Variants in PSMD9 observed in about 807,000 individuals in gnomAD.
PSMD9 encodes the protein proteasome 26S subunit, non-ATPase 9.
A neutral mutation model predicts 25.9 loss-of-function variants in PSMD9; 26 were observed. That is an observed-to-expected ratio of 1.00 (90% CI 0.73 to 1.39). PSMD9 has a LOEUF of 1.39. Ranked by LOEUF, PSMD9 falls within the 40% of genes most tolerant of loss-of-function variation. The pLI is 0.00. For synonymous variants in PSMD9, 110 were observed against 114.5 expected, an observed-to-expected ratio of 0.96 and a Z score of 0.25; for missense variants, 303 against 299.3, an observed-to-expected ratio of 1.01 and a Z score of -0.09.
intron 4 of PSMD9, among the ~76,000 whole-genome samples, chr12:121,912,435 G>C (rs1427319886): frequency 6.6e-6 from 1 of 152,166 alleles, no homozygotes; most frequent in East Asian, 1.9e-4. Flanking sequence ...CCGCTTCCTC[G>C]CCAGCACTTG....
At chr12:121,907,979 GT>G (rs1263534510) in intron 4 of PSMD9, 1 of 152,180 alleles carries the variant, frequency 6.6e-6, no homozygotes, top group Admixed American at 6.5e-5. Context: ...CAAGGGTGCA[GT>G]AAGCCAAGGT....
intron 4 of PSMD9, among the ~76,000 whole-genome samples, chr12:121,904,331 T>G (rs1229472899): frequency 6.6e-6 from 1 of 151,304 alleles, no homozygotes. Context: ...TCCCAGCACT[T>G]TAGGAGGGCG....
At chr12:121,894,103 G>A (rs529644059) in intron 1 of PSMD9, 19 of 151,808 alleles carry the variant, frequency 1.3e-4, no homozygotes, top group African/African-American at 4.4e-4. Context: ...CATGTGACTG[G>A]TTTCACTGCT....
At position 121,903,041 on chromosome 12, in the gene PSMD9, C is replaced by T; in HGVS notation, c.489C>T (p.Gly163=). The part of the protein sequence containing the change: ...LQVDDEIVEF[G]SVNTQNFQSL... ...TGGATGATGAGATTGTGGAGTTCGG[C>T]TCTGTGAACACCCAGAACTTCCAGT... Residue 163 remains glycine (G), a synonymous_variant, in exon 4 of 6, where the codon GGC becomes GGT. Transcript: ENST00000541212. The T allele has an allele frequency of 6.2e-7, 1 of 1,614,140 alleles. No homozygotes were observed. The highest frequency in any genetic ancestry group is 8.5e-7 in the Non-Finnish European group (1 of 1,180,016).
intron 1 of PSMD9, among the ~76,000 whole-genome samples, chr12:121,892,802 G>A (rs59517025): frequency 0.25 from 38,280 of 152,100 alleles, 6,113 homozygotes; most frequent in East Asian, 0.57. Context: ...GAACCCAGGA[G>A]TTTAAGGCGG....
chr12:121,894,806 T>G lies in PSMD9; in HGVS notation c.206T>G (p.Leu69Arg), dbSNP rs1157465015. The change falls in exon 2 of 6, where the codon CTG becomes CGG. Residue 69 changes from leucine to arginine, a missense_variant. Leu to Arg is a moderately radical substitution (Grantham distance 102). Transcript: ENST00000541212. ...CEGYPRSDVDLYQVRTARHNI... is the reference protein window; with the variant it reads ...CEGYPRSDVDRYQVRTARHNI... ...GGCTACCCCCGGTCAGACGTGGACC[T>G]GTACCAAGTCCGCACCGCCAGGCAC... 6.2e-7 allele frequency: 1 copy of G among 1,614,026 alleles called. No homozygotes were observed. The highest frequency in any genetic ancestry group is 1.7e-5 in the Admixed American group (1 of 59,984).
chr12:121,913,280 C>T (rs576813624), intron 4 of PSMD9, among the ~76,000 whole-genome samples: 205 of 150,410 alleles, frequency 1.4e-3, no homozygotes, highest in African/African-American at 3.0e-3. Flanking sequence ...GGGGTTTCAC[C>T]GTGTTAGCCA....
At chr12:121,906,685 GT>G (rs1444050831) in intron 4 of PSMD9, among the ~76,000 whole-genome samples, 1 of 151,436 alleles carries the variant, frequency 6.6e-6, no homozygotes, top group Non-Finnish European at 1.5e-5. Context: ...GTGGTGGTGT[GT>G]GCCTGTAGTC....
intron 4 of PSMD9, among the ~76,000 whole-genome samples, chr12:121,912,705 A>G (rs1879760884): frequency 6.6e-6 from 1 of 151,744 alleles, no homozygotes; most frequent in Non-Finnish European, 1.5e-5. Context: ...TCTCTGGAAA[A>G]AAATACAAAA....
At chr12:121,891,778 C>T (rs1429261000) in intron 1 of PSMD9, among the ~76,000 whole-genome samples, 1 of 151,100 alleles carries the variant, frequency 6.6e-6, no homozygotes, top group African/African-American at 2.4e-5. Flanking sequence ...TGGTGGTACA[C>T]ATCTATAATC....
intron 1 of PSMD9, among the ~76,000 whole-genome samples, chr12:121,892,624 C>T (rs920467401): frequency 1.3e-5 from 2 of 152,042 alleles, no homozygotes; most frequent in African/African-American, 4.8e-5. Flanking sequence ...GGGCCTGAAC[C>T]CAGGAGGCGG....
intron 2 of PSMD9, chr12:121,898,979 C>G (rs1879313220): frequency 6.6e-6 from 1 of 152,444 alleles, no homozygotes; most frequent in Admixed American, 6.5e-5. Flanking sequence ...CTTGACTTCC[C>G]AAAGTTCTGG....
intron 3 of PSMD9, among the ~76,000 whole-genome samples, chr12:121,901,508 C>T (rs562179973): frequency 2.2e-4 from 34 of 151,912 alleles, no homozygotes; most frequent in Admixed American, 1.3e-3. Context: ...GTAACCATGC[C>T]TGGTTAATTT....
Position 121,916,290 on chromosome 12 carries a change from CA to C in PSMD9, c.652del (p.Ile218LeufsTer26). The C allele has an allele frequency of 6.2e-7, 1 of 1,614,154 alleles. No homozygotes were observed. The highest frequency in any genetic ancestry group is 8.5e-7 in the Non-Finnish European group (1 of 1,180,002). ...WAGKGLLGCN[I>X]IPLQR ...CTTTTCTTCTTTCTTCCAGCTGCAA[CA>C]TTATTCCTCTGCAAAGATGATTGTC... On this transcript the variant is annotated frameshift_variant, in exon 6 of 6. Coordinates refer to ENST00000541212, the MANE Select transcript of PSMD9 (RefSeq NM_002813.7). LOFTEE classifies it high-confidence loss of function.
chr12:121,906,097 A>G lies in PSMD9; in HGVS notation c.555+2990A>G, dbSNP rs75290672. Among the ~76,000 whole-genome samples the G allele has an allele frequency of 1.3e-3, 198 of 152,320 alleles. 5 individuals are homozygous for G. The East Asian group carries it at 0.036, about 28-fold the overall frequency. On this transcript the variant is annotated intron_variant, in intron 4 of 5. Coordinates refer to ENST00000541212, the MANE Select transcript of PSMD9 (RefSeq NM_002813.7). ...TGCTGGTTTTTAATCTGTTTTATCC[A>G]GTTAAATGTATTCTCAGCTTCCGTG...
At chr12:121,896,682 C>A (rs1879238793) in intron 2 of PSMD9, among the ~76,000 whole-genome samples, 1 of 150,624 alleles carries the variant, frequency 6.6e-6, no homozygotes, top group African/African-American at 2.4e-5. Context: ...ACTAAAAATA[C>A]AAAATTAGCT....
chr12:121,901,134 T>A (rs924442673), intron 3 of PSMD9, among the ~76,000 whole-genome samples: 2 of 152,048 alleles, frequency 1.3e-5, no homozygotes, highest in Non-Finnish European at 2.9e-5. Context: ...CATAATCAAT[T>A]TCAGAACATT....
chr12:121,915,982 C>A (rs757945883), intron 5 of PSMD9, 38 bp downstream of exon 5: 3 of 1,579,394 alleles, frequency 1.9e-6, no homozygotes, highest in South Asian at 1.1e-5. Context: ...ACTGGGGCAT[C>A]ATTTGAGTGT....
chr12:121,909,472 C>G (rs933840379), intron 4 of PSMD9, among the ~76,000 whole-genome samples: 1 of 152,056 alleles, frequency 6.6e-6, no homozygotes, highest in Admixed American at 6.5e-5. Context: ...CACCACCACA[C>G]CTGGCTAATT....
Sources: allele counts gnomAD v4.1 joint callset (sites outside exome capture counted in the v4.1 genomes callset), GRCh38; gene constraint gnomAD v4.1.1; transcripts MANE v1.5; gene names NCBI Gene and HGNC (gene_info 2026-07-23, HGNC 2026-07-21).